LARGE1: variants seen among roughly 807,000 people sequenced by gnomAD.
The protein encoded by LARGE1 is LARGE xylosyl- and glucuronyltransferase 1.
LARGE1 carries 43 observed loss-of-function variants against 87.6 expected under a neutral mutation model. The ratio of observed to expected loss-of-function variants is 0.49; its 90% CI spans 0.38 to 0.63. LARGE1 has a LOEUF of 0.63. LARGE1 is among the 30% of genes least tolerant of loss of function. LARGE1 has a pLI of 0.00. For synonymous variants in LARGE1, 434 were observed against 394.6 expected (o/e 1.10, Z -1.18); for missense variants, 802 against 1,000.2 (o/e 0.80, Z 2.67).
At chr22:33,784,902 A>G (rs1041545222) in intron 1 of LARGE1, among the ~76,000 whole-genome samples, 32 of 122,242 alleles carry the variant, frequency 2.6e-4, no homozygotes, top group African/African-American at 9.6e-4. Flanking sequence ...TATATACTGT[A>G]TATTATATGT....
chr22:33,694,089 G>C (rs1292257881), intron 2 of LARGE1, among the ~76,000 whole-genome samples: 2 of 152,160 alleles, frequency 1.3e-5, no homozygotes, highest in Non-Finnish European at 2.9e-5. Context: ...TCTGGAATCA[G>C]TTTTTCCTGG....
intron 5 of LARGE1, among the ~76,000 whole-genome samples, chr22:33,603,644 C>T (rs1387441466): frequency 1.7e-4 from 26 of 152,118 alleles, no homozygotes; most frequent in Admixed American, 1.7e-3. Context: ...AGCAAAGACT[C>T]AAACACAGAA....
chr22:33,736,344 T>A (rs2083655942), intron 2 of LARGE1, among the ~76,000 whole-genome samples: 1 of 152,218 alleles, frequency 6.6e-6, no homozygotes, highest in Non-Finnish European at 1.5e-5. Flanking sequence ...GAGTGTGAAG[T>A]GGTATACCAT....
chr22:33,330,843 T>C (rs896338044), intron 10 of LARGE1, among the ~76,000 whole-genome samples: 1 of 152,178 alleles, frequency 6.6e-6, no homozygotes, highest in African/African-American at 2.4e-5. Context: ...CCTGACTGGA[T>C]GTCCTTATTT....
chr22:33,139,483 T>G, the LARGE1 span, among the ~76,000 whole-genome samples: 1 of 152,104 alleles, frequency 6.6e-6, no homozygotes. Context: ...CCCTCATTCT[T>G]TTTTTCCTTC....
intron 6 of LARGE1, among the ~76,000 whole-genome samples, chr22:33,455,519 G>A (rs9609805): frequency 0.18 from 27,213 of 151,970 alleles, 2,456 homozygotes; most frequent in South Asian, 0.24. Context: ...TTGGGAGGCC[G>A]AGGCAGGAGG....
At chr22:33,443,393 G>C (rs1015560708) in intron 6 of LARGE1, among the ~76,000 whole-genome samples, 14 of 152,220 alleles carry the variant, frequency 9.2e-5, no homozygotes, top group Non-Finnish European at 1.5e-4. Context: ...GAGAAAGGGT[G>C]GTCGAAGTGC....
At chr22:33,824,118 G>A (rs879901795) in intron 1 of LARGE1, among the ~76,000 whole-genome samples, 2 of 152,172 alleles carry the variant, frequency 1.3e-5, no homozygotes, top group East Asian at 3.9e-4. Flanking sequence ...CCACATGCCC[G>A]ATTGAGTTTT....
At chr22:33,686,111 A>T (rs1288099411) in intron 2 of LARGE1, among the ~76,000 whole-genome samples, 1 of 151,968 alleles carries the variant, frequency 6.6e-6, no homozygotes, top group Non-Finnish European at 1.5e-5. Flanking sequence ...AAATCAGCCG[A>T]CTCTCTTTCC....
At chr22:33,733,574 T>C (rs755954666) in intron 2 of LARGE1, 1 of 152,216 alleles carries the variant, frequency 6.6e-6, no homozygotes. Context: ...TGAGCTTTGA[T>C]ACAGGTTGGC....
intron 5 of LARGE1, among the ~76,000 whole-genome samples, chr22:33,566,468 C>T (rs5754609): frequency 0.63 from 95,469 of 151,902 alleles, 30,578 homozygotes; most frequent in African/African-American, 0.69. Flanking sequence ...GTGTGCGGAG[C>T]TGGCTCCTTC....
chr22:33,469,595 T>G (rs1213888585), intron 6 of LARGE1, among the ~76,000 whole-genome samples: 1 of 151,896 alleles, frequency 6.6e-6, no homozygotes, highest in Non-Finnish European at 1.5e-5. Flanking sequence ...GAGGCCGAGG[T>G]GGGTGGATCA....
intron 11 of LARGE1, among the ~76,000 whole-genome samples, chr22:33,198,683 A>G (rs1318678414): frequency 6.8e-6 from 1 of 147,976 alleles, no homozygotes; most frequent in African/African-American, 2.5e-5. Context: ...ACACGTATCT[A>G]AAATACTATA....
At chr22:33,416,827 C>T (rs1227994242) in intron 7 of LARGE1, among the ~76,000 whole-genome samples, 3 of 151,382 alleles carry the variant, frequency 2.0e-5, no homozygotes, top group South Asian at 4.2e-4. Flanking sequence ...TGGTCTTGAA[C>T]TCCTGACCTT....
chr22:33,368,359 C>A (rs1307626136), intron 9 of LARGE1, among the ~76,000 whole-genome samples: 1 of 152,002 alleles, frequency 6.6e-6, no homozygotes, highest in South Asian at 2.1e-4. Flanking sequence ...CATGGCGAAA[C>A]CCCATCTCTA....
At chr22:33,850,342 G>C (rs1246331437) in intron 1 of LARGE1, among the ~76,000 whole-genome samples, 2 of 152,162 alleles carry the variant, frequency 1.3e-5, no homozygotes, top group Non-Finnish European at 2.9e-5. Context: ...GGAAACCAGG[G>C]AGCAGAGTCT....
Position 33,893,712 on chromosome 22 carries a change from T to C in LARGE1, c.-83+26283A>G, listed in dbSNP as rs541164137. 6.6e-5 allele frequency among the ~76,000 whole-genome samples: 10 copies of C among 152,360 alleles called. No individual in the cohort carries two copies. In the South Asian group the frequency reaches 2.1e-3, roughly 32 times the overall value. On this transcript the variant is annotated intron_variant, in intron 1 of 14. Coordinates refer to ENST00000397394, the MANE Select transcript of LARGE1 (RefSeq NM_133642.5). Reference sequence around the variant, plus strand: ...AGGTAAGCCATCATATCACTCATTCTAGCAGACACAAATATTGGGTTCCCC... The same window carrying C: ...AGGTAAGCCATCATATCACTCATTCCAGCAGACACAAATATTGGGTTCCCC...
chr22:33,686,881 A>G (rs1289749704), intron 2 of LARGE1, among the ~76,000 whole-genome samples: 2 of 152,232 alleles, frequency 1.3e-5, no homozygotes, highest in Non-Finnish European at 2.9e-5. Flanking sequence ...ATTCAAATTT[A>G]ACAAGCTGTC....
At chr22:33,372,415 A>C (rs2064843211) in intron 9 of LARGE1, among the ~76,000 whole-genome samples, 4 of 152,196 alleles carry the variant, frequency 2.6e-5, no homozygotes, top group Admixed American at 2.6e-4. Context: ...AGACTGGGTA[A>C]TTTATAAAGA....
Sources: allele counts gnomAD v4.1 joint callset (sites outside exome capture counted in the v4.1 genomes callset), GRCh38; gene constraint gnomAD v4.1.1; transcripts MANE v1.5; gene names NCBI Gene and HGNC (gene_info 2026-07-23, HGNC 2026-07-21).